The following GAS7 variants were observed in gnomAD, a reference collection of about 807,000 sequenced individuals.
GAS7 encodes growth arrest-specific protein 7.
Under a neutral mutation model 71.1 loss-of-function variants are expected in GAS7, and 28 were observed. That is an observed-to-expected ratio of 0.39 (90% confidence interval 0.29 to 0.54). GAS7 has a LOEUF of 0.54. Ranked by LOEUF, GAS7 falls within the 20% of genes least tolerant of loss-of-function variation. The probability of loss-of-function intolerance (pLI) is 0.62; values close to 1 mark genes in which losing one functional copy is unlikely to be tolerated. For synonymous variants in GAS7, 258 were observed against 245.8 expected, an observed-to-expected ratio of 1.05 and a Z score of -0.46; for missense variants, 436 against 627.8, an observed-to-expected ratio of 0.69 and a Z score of 3.27.
chr17:9,920,396 C>T (rs2067762834), intron 11 of GAS7, among the ~76,000 whole-genome samples: 1 of 152,202 alleles, frequency 6.6e-6, no homozygotes, highest in South Asian at 2.1e-4. Context: ...CCGAGGCAAA[C>T]ATAACTATTC....
Position 10,043,005 on chromosome 17 carries a change from G to A in GAS7, c.184-23108C>T, listed in dbSNP as rs114100981. 1.7e-3 allele frequency among the ~76,000 whole-genome samples: 259 copies of A among 152,276 alleles called. 2 individuals are homozygous for A. The highest frequency in any genetic ancestry group is 5.9e-3 in the African/African-American group (246 of 41,534). On this transcript the variant is annotated intron_variant, in intron 1 of 13. Coordinates refer to ENST00000432992, the MANE Select transcript of GAS7 (RefSeq NM_201433.2). ...TCGGTGGGGAGTAGGGGTGAGTCTG[G>A]CCCTTGGCACATGGAGCTGGAGCTG...
intron 2 of GAS7, among the ~76,000 whole-genome samples, chr17:10,007,211 G>T (rs1029339950): frequency 2.0e-5 from 3 of 152,254 alleles, no homozygotes; most frequent in African/African-American, 7.2e-5. Flanking sequence ...GATTCTGAAG[G>T]TCTGTGATAG....
intron 1 of GAS7, among the ~76,000 whole-genome samples, chr17:10,155,115 A>G (rs2074195911): frequency 6.6e-6 from 1 of 151,948 alleles, no homozygotes; most frequent in African/African-American, 2.4e-5. Context: ...CCCGGGTTCA[A>G]GCGATTCTCC....
intron 2 of GAS7, among the ~76,000 whole-genome samples, chr17:9,991,117 CA>C (rs2070825871): frequency 6.6e-6 from 1 of 152,126 alleles, no homozygotes; most frequent in Non-Finnish European, 1.5e-5. Context: ...TAAGACAAAA[CA>C]AAAAACTAAA....
At chr17:9,983,174 T>G (rs1355619506) in intron 2 of GAS7, among the ~76,000 whole-genome samples, 1 of 152,122 alleles carries the variant, frequency 6.6e-6, no homozygotes, top group Non-Finnish European at 1.5e-5. Flanking sequence ...ATTCTTTTTA[T>G]GTATAAATTT....
intron 1 of GAS7, among the ~76,000 whole-genome samples, chr17:10,028,228 G>A (rs1312464398): frequency 6.6e-6 from 1 of 152,048 alleles, no homozygotes; most frequent in Non-Finnish European, 1.5e-5. Flanking sequence ...TTTAAATTTA[G>A]CTGTGCATGG....
rs1165094645 is a variant in GAS7, at chr17:10,173,410, T to A, written c.183+24798A>T. ...GAAAAAAAATGAAGAGAAGGAGGAATGATTCCTAGGTAAGTAATGAGTTTC... is the reference window on the plus strand; with the variant it reads ...GAAAAAAAATGAAGAGAAGGAGGAAAGATTCCTAGGTAAGTAATGAGTTTC... On this transcript the variant is annotated intron_variant, in intron 1 of 13. Transcript: ENST00000432992. Among the ~76,000 whole-genome samples the A allele has an allele frequency of 3.3e-5, 5 of 152,012 alleles. No individual in the cohort carries two copies. In the East Asian group the frequency reaches 9.7e-4, roughly 29 times the overall value.
chr17:10,175,292 T>G (rs991984807), intron 1 of GAS7, among the ~76,000 whole-genome samples: 1 of 142,412 alleles, frequency 7.0e-6, no homozygotes, highest in African/African-American at 2.8e-5. Context: ...TGTGGAACTA[T>G]GTAAATAAGT....
chr17:10,014,615 G>A (rs984471990), intron 2 of GAS7, among the ~76,000 whole-genome samples: 10 of 151,956 alleles, frequency 6.6e-5, no homozygotes, highest in African/African-American at 1.5e-4. Flanking sequence ...AGTCAAGGCC[G>A]CCCCCTCCCC....
intron 5 of GAS7, among the ~76,000 whole-genome samples, chr17:9,952,970 T>C (rs1234509393): frequency 6.6e-6 from 1 of 152,076 alleles, no homozygotes; most frequent in African/African-American, 2.4e-5. Flanking sequence ...AGAACTATCA[T>C]TCGACCCAGC....
At chr17:10,066,660 A>C (rs1422030327) in intron 1 of GAS7, among the ~76,000 whole-genome samples, 1 of 152,208 alleles carries the variant, frequency 6.6e-6, no homozygotes, top group Non-Finnish European at 1.5e-5. Flanking sequence ...TTTTAAAAAC[A>C]GTTAACTGTT....
chr17:9,969,873 T>C lies in GAS7; in HGVS notation c.386-111A>G. The C allele has an allele frequency of 1.4e-6, 1 of 716,984 alleles. No individual in the cohort carries two copies. The highest frequency in any genetic ancestry group is 2.6e-5 in the East Asian group (1 of 38,868). 44.4% of individuals were successfully genotyped at this position (716,984 alleles called of 1,614,324 possible). A position where few individuals can be genotyped will look rare whatever the true frequency, so the allele number is the denominator to read the frequency against. On this transcript the variant is annotated intron_variant, in intron 3 of 13. Transcript: ENST00000432992. The surrounding 1 kb of genome is among the most constrained non-coding windows in gnomAD (Gnocchi z 5.5). The stretch of plus-strand genomic sequence containing the variant: ...CCTCCTTCCTTGGCTCTGAGAGGTC[T>C]TGCGTGGCGAAGACCATCCCTCAGG...
At chr17:10,107,134 T>C (rs1000673924) in intron 1 of GAS7, among the ~76,000 whole-genome samples, 5 of 152,232 alleles carry the variant, frequency 3.3e-5, no homozygotes, top group Non-Finnish European at 7.3e-5. Flanking sequence ...TTTAGCCTTG[T>C]AAAACTCATT....
At chr17:10,163,908 C>T (rs1379038399) in intron 1 of GAS7, among the ~76,000 whole-genome samples, 4 of 152,186 alleles carry the variant, frequency 2.6e-5, no homozygotes, top group Non-Finnish European at 5.9e-5. Context: ...CATTAGAGAA[C>T]GCAGATAACG....
chr17:10,170,688 A>G (rs2074329480), intron 1 of GAS7, among the ~76,000 whole-genome samples: 1 of 152,164 alleles, frequency 6.6e-6, no homozygotes, highest in Non-Finnish European at 1.5e-5. Flanking sequence ...CTGTGGTTTT[A>G]CTACTACTAC....
intron 1 of GAS7, among the ~76,000 whole-genome samples, chr17:10,082,647 T>C (rs2073470202): frequency 6.6e-6 from 1 of 152,210 alleles, no homozygotes; most frequent in Non-Finnish European, 1.5e-5. Flanking sequence ...TCCTACGTAC[T>C]TATGCCAGAA....
rs75307795 is a variant in GAS7 at position 10,148,090 on chromosome 17, C to T, written c.183+50118G>A. The stretch of plus-strand genomic sequence containing the variant: ...AGCACCTGAAAAATCATAAAGCACA[C>T]GTGAACATCAATTATTGGCTAGCAC... On this transcript the variant is annotated intron_variant, in intron 1 of 13. Transcript: ENST00000432992. Among the ~76,000 whole-genome samples the T allele has an allele frequency of 9.1e-4, 139 of 152,240 alleles. 1 individual carries two copies. In the East Asian group the frequency reaches 0.016, roughly 18 times the overall value.
intron 1 of GAS7, among the ~76,000 whole-genome samples, chr17:10,177,156 G>C (rs1176465241): frequency 3.9e-5 from 6 of 152,194 alleles, no homozygotes; most frequent in Admixed American, 2.6e-4. Flanking sequence ...CAGAAGAAAG[G>C]ACTCTGCCTG....
intron 9 of GAS7, among the ~76,000 whole-genome samples, chr17:9,930,422 G>C (rs942556375): frequency 6.6e-6 from 1 of 152,178 alleles, no homozygotes; most frequent in East Asian, 1.9e-4. Flanking sequence ...ACAATACTGA[G>C]ATACAACTCA....
Sources: gnomAD v4.1 joint callset for allele counts (sites outside exome capture counted in the v4.1 genomes callset) on GRCh38, gnomAD v4.1.1 for gene constraint, Gnocchi (gnomAD v3.1) non-coding constraint, MANE v1.5 for transcripts, NCBI Gene and HGNC (gene_info 2026-07-23, HGNC 2026-07-21) for gene names.